The following HTRA1 variants were observed in gnomAD, a reference collection of about 807,000 sequenced individuals.
HTRA1 encodes serine protease HTRA1.
Under a neutral mutation model 49.7 loss-of-function variants are expected in HTRA1, and 26 were observed. The ratio of observed to expected loss-of-function variants is 0.52; its 90% CI spans 0.38 to 0.73. HTRA1 has a LOEUF of 0.73. Ranked by LOEUF, HTRA1 falls within the 30% of genes least tolerant of loss-of-function variation. HTRA1 has a pLI of 0.00. For missense variants in HTRA1, 561 were observed against 667.2 expected (o/e 0.84, Z 1.75); for synonymous variants, 291 against 286.9 (o/e 1.01, Z -0.14).
At chr10:122,504,059 C>G (rs373201540) in intron 3 of HTRA1, among the ~76,000 whole-genome samples, 1 of 152,190 alleles carries the variant, frequency 6.6e-6, no homozygotes, top group East Asian at 1.9e-4. Context: ...GGCTTGCCCA[C>G]GGGGTGCTCT....
chr10:122,508,235 A>G (rs72834494), intron 5 of HTRA1, among the ~76,000 whole-genome samples: 7,366 of 152,284 alleles, frequency 0.048, 242 homozygotes, highest in Non-Finnish European at 0.066. Context: ...ATGAAGCATG[A>G]CAGCCCTAAG....
At chr10:122,513,622 C>T (rs1368938467) in intron 8 of HTRA1, among the ~76,000 whole-genome samples, 7 of 85,674 alleles carry the variant, frequency 8.2e-5, no homozygotes, top group Non-Finnish European at 1.6e-4. Flanking sequence ...AATTGAGACC[C>T]CATCTCAAAA....
At chr10:122,472,569 T>A (rs1198202278) in intron 1 of HTRA1, among the ~76,000 whole-genome samples, 1 of 151,978 alleles carries the variant, frequency 6.6e-6, no homozygotes, top group Non-Finnish European at 1.5e-5. Flanking sequence ...CTACCTTTTA[T>A]ATTTTTAAGT....
Position 122,464,967 on chromosome 10 carries a change from T to C in HTRA1, c.472+2843T>C, listed in dbSNP as rs1266236512. Among the ~76,000 whole-genome samples, 4 of 152,048 alleles carry C rather than the reference T, an allele frequency of 2.6e-5. No individual in the cohort carries two copies. In the East Asian group the frequency reaches 7.7e-4, roughly 29 times the overall value. ...GAGCGGGTGCTGCGATTTCAAATAT[T>C]ATAAGGTGGCTTTGTCTGGGGCAGA... On this transcript the variant is annotated intron_variant, in intron 1 of 8. Coordinates refer to ENST00000368984, the MANE Select transcript of HTRA1 (RefSeq NM_002775.5). The surrounding 1 kb of genome is among the most constrained non-coding windows in gnomAD (Gnocchi z 4.8).
Position 122,488,910 on chromosome 10 carries a change from G to T in HTRA1, c.481G>T (p.Asp161Tyr), listed in dbSNP as rs1334061498. 6 of 1,613,772 alleles carry T rather than the reference G, an allele frequency of 3.7e-6. No individual in the cohort carries two copies. In the Admixed American group the frequency reaches 1.0e-4, roughly 27 times the overall value. The change falls in exon 2 of 9, where the codon GAT (aspartate) becomes TAT (tyrosine). Residue 161 changes from aspartate to tyrosine, a missense_variant. Asp to Tyr is a radical substitution (Grantham distance 160, BLOSUM62 -3). Coordinates refer to ENST00000368984, the MANE Select transcript of HTRA1 (RefSeq NM_002775.5). ...TTTGCTTTTGTTCTCAGGGCAGGAA[G>T]ATCCCAACAGTTTGCGCCATAAATA... ...QRGACGQGQE[D>Y]PNSLRHKYNF...
chr10:122,480,808 GA>G lies in HTRA1; in HGVS notation c.473-8089del, dbSNP rs558897503. On this transcript the variant is annotated intron_variant, in intron 1 of 8. Coordinates refer to ENST00000368984, the MANE Select transcript of HTRA1 (RefSeq NM_002775.5). ...GTACAATTCAGTATACCCTCTTCAAGAAAAACACCCCTCAAAATTATGAATA... is the reference window on the plus strand; with the variant it reads ...GTACAATTCAGTATACCCTCTTCAAGAAAACACCCCTCAAAATTATGAATA... Among the ~76,000 whole-genome samples the G allele has an allele frequency of 1.7e-3, 258 of 152,064 alleles. 1 individual carries two copies. Among genetic ancestry groups the G allele is most frequent in the Non-Finnish European group, 2.5e-3 (169 of 68,000 alleles).
At chr10:122,498,161 C>A (rs1429567036) in intron 3 of HTRA1, among the ~76,000 whole-genome samples, 1 of 152,130 alleles carries the variant, frequency 6.6e-6, no homozygotes, top group Non-Finnish European at 1.5e-5. Context: ...TTTTTGCACA[C>A]TGTCCTCTGT....
chr10:122,504,476 C>T (rs1177452827), intron 3 of HTRA1, among the ~76,000 whole-genome samples: 1 of 152,166 alleles, frequency 6.6e-6, no homozygotes, highest in East Asian at 1.9e-4. Flanking sequence ...GCCTGCTGGG[C>T]CCCCTTCCTG....
chr10:122,465,219 G>A (rs1479119581), intron 1 of HTRA1, among the ~76,000 whole-genome samples: 1 of 152,168 alleles, frequency 6.6e-6, no homozygotes, highest in Non-Finnish European at 1.5e-5. Context: ...GCACTGGCAG[G>A]GTTTGGATGG....
At chr10:122,483,289 G>A (rs371248291) in intron 1 of HTRA1, among the ~76,000 whole-genome samples, 3 of 152,050 alleles carry the variant, frequency 2.0e-5, no homozygotes, top group South Asian at 2.2e-4. Flanking sequence ...GAGGAAAGAC[G>A]AATCATTTAT....
intron 3 of HTRA1, among the ~76,000 whole-genome samples, chr10:122,491,266 C>T (rs2097495652): frequency 6.6e-6 from 1 of 152,238 alleles, no homozygotes. Flanking sequence ...CCTAAGGCAG[C>T]CCATGGCTAC....
intron 1 of HTRA1, among the ~76,000 whole-genome samples, chr10:122,478,940 T>G (rs1424528456): frequency 2.0e-5 from 3 of 152,234 alleles, no homozygotes; most frequent in Non-Finnish European, 4.4e-5. Flanking sequence ...CCCCACATAC[T>G]CATTTTGTAC....
intron 3 of HTRA1, among the ~76,000 whole-genome samples, chr10:122,504,369 G>A (rs1179689296): frequency 6.6e-6 from 1 of 152,208 alleles, no homozygotes; most frequent in Non-Finnish European, 1.5e-5. Context: ...CCAAGGGGTG[G>A]TAAGAATAGG....
chr10:122,511,344 A>G (rs2097505477), intron 7 of HTRA1, among the ~76,000 whole-genome samples: 2 of 152,198 alleles, frequency 1.3e-5, no homozygotes, highest in East Asian at 3.8e-4. Flanking sequence ...CCGAGGTCAC[A>G]CAGCTAGCAA....
At chr10:122,478,431 T>G (rs4237541) in intron 1 of HTRA1, among the ~76,000 whole-genome samples, 1 of 145,000 alleles carries the variant, frequency 6.9e-6, no homozygotes, top group Admixed American at 6.9e-5. Context: ...CTCACTCTGT[T>G]GCCCAGGCTG....
intron 3 of HTRA1, among the ~76,000 whole-genome samples, chr10:122,504,017 G>A (rs1277120063): frequency 6.6e-6 from 1 of 152,170 alleles, no homozygotes; most frequent in African/African-American, 2.4e-5. Flanking sequence ...TCTTGTCGAA[G>A]CCCATGTGGT....
intron 3 of HTRA1, among the ~76,000 whole-genome samples, chr10:122,499,669 C>T (rs951264326): frequency 2.0e-5 from 3 of 152,228 alleles, no homozygotes; most frequent in African/African-American, 4.8e-5. Context: ...AACCCTTCTG[C>T]GGCCTGGTTT....
intron 6 of HTRA1, 37 bp downstream of exon 6, chr10:122,508,807 A>T: frequency 8.0e-7 from 1 of 1,249,924 alleles, no homozygotes; most frequent in Non-Finnish European, 1.2e-6. Flanking sequence ...GACTCCGGAG[A>T]TGGGGCCTGA....
chr10:122,488,122 G>A lies in HTRA1; in HGVS notation c.473-780G>A, dbSNP rs141614366. Among the ~76,000 whole-genome samples, 66 of 152,234 alleles carry A rather than the reference G, an allele frequency of 4.3e-4. No homozygotes were observed. The East Asian group carries it at 4.4e-3, about 10-fold the overall frequency. On this transcript the variant is annotated intron_variant, in intron 1 of 8. Transcript: ENST00000368984. The stretch of plus-strand genomic sequence containing the variant: ...TGCCCCTTTGCCTTCGTGTTTCTTC[G>A]TAATAATCTCAGATGTACCCGTCTG...
Sources: allele counts gnomAD v4.1 joint callset (sites outside exome capture counted in the v4.1 genomes callset), GRCh38; gene constraint gnomAD v4.1.1; non-coding constraint Gnocchi (gnomAD v3.1); transcripts MANE v1.5; gene names NCBI Gene and HGNC (gene_info 2026-07-23, HGNC 2026-07-21).